GPM6B: variants seen among roughly 807,000 people sequenced by gnomAD.
GPM6B encodes glycoprotein M6B.
A neutral mutation model predicts 27.2 loss-of-function variants in GPM6B; 4 were observed. The ratio of observed to expected loss-of-function variants is 0.15; its 90% CI spans 0.07 to 0.34. The LOEUF is 0.34. GPM6B is among the 10% of genes least tolerant of loss of function. The pLI, the probability that GPM6B is intolerant of heterozygous loss-of-function variation, is 1.00. For missense variants in GPM6B, 183 were observed against 261.9 expected, an observed-to-expected ratio of 0.70 and a Z score of 2.08; for synonymous variants, 124 against 103.1, an observed-to-expected ratio of 1.20 and a Z score of -1.23.
At chrX:13,930,332 A>C (rs1921425712) in intron 1 of GPM6B, among the ~76,000 whole-genome samples, 1 of 111,971 alleles carries the variant, frequency 8.9e-6, no homozygotes, top group Admixed American at 9.5e-5. Flanking sequence ...TGAACAAGGG[A>C]GGCCGGGCAC....
intron 2 of GPM6B, among the ~76,000 whole-genome samples, chrX:13,805,992 C>CT (rs560339343): frequency 8.8e-4 from 96 of 108,658 alleles, no homozygotes; most frequent in Middle Eastern, 9.3e-3. Context: ...TTTTTTGCTG[C>CT]TTTTTTTTTC....
upstream of GPM6B, among the ~76,000 whole-genome samples, chrX:13,821,955 T>A (rs1024324038): frequency 8.9e-6 from 1 of 111,783 alleles, no homozygotes; most frequent in Non-Finnish European, 1.9e-5. Flanking sequence ...ATTCATCAAG[T>A]TGCATAATGA....
chrX:13,788,803 C>A (rs2048659879), intron 2 of GPM6B, among the ~76,000 whole-genome samples: 1 of 110,107 alleles, frequency 9.1e-6, no homozygotes, highest in Non-Finnish European at 1.9e-5. Context: ...AAATTCAATA[C>A]TAGATCAAAG....
chrX:13,773,978 T>TCTC (rs1215027351), intron 7 of GPM6B: 1 of 725,394 alleles, frequency 1.4e-6, no homozygotes, highest in African/African-American at 2.5e-5. Flanking sequence ...TTTTTTTTTT[T>TCTC]TCCAGAGAAC....
intron 1 of GPM6B, among the ~76,000 whole-genome samples, chrX:13,908,399 AT>A (rs1362001044): frequency 2.7e-5 from 3 of 112,082 alleles, no homozygotes; most frequent in Non-Finnish European, 5.6e-5. Flanking sequence ...TCATGAGAAA[AT>A]GTCAGACAAA....
intron 1 of GPM6B, among the ~76,000 whole-genome samples, chrX:13,898,127 T>G (rs1024006127): frequency 6.3e-5 from 7 of 111,129 alleles, no homozygotes; most frequent in Admixed American, 9.7e-5. Context: ...AGTAAGTGTG[T>G]GATTTCCTTT....
rs780192639 is a variant in GPM6B, at chrX:13,814,834, C to T, written c.61+2010G>A. Among the ~76,000 whole-genome samples the T allele has an allele frequency of 9.8e-5, 11 of 112,092 alleles. No homozygotes were observed. The East Asian group carries it at 2.8e-3, about 29-fold the overall frequency. On this transcript the variant is annotated intron_variant, in intron 1 of 7. Coordinates refer to ENST00000316715, the MANE Select transcript of GPM6B (RefSeq NM_001001995.3). ...CTGTAGATCAGGAAAAACAAATCCC[C>T]TGGCTTGTATTCTTATTCAAGCATG...
intron 2 of GPM6B, among the ~76,000 whole-genome samples, chrX:13,796,029 C>T (rs898202372): frequency 5.4e-5 from 6 of 111,028 alleles, no homozygotes; most frequent in Non-Finnish European, 9.4e-5. Flanking sequence ...CAGGTTCAAG[C>T]GATTCTCCTG....
intron 1 of GPM6B, among the ~76,000 whole-genome samples, chrX:13,925,819 C>G (rs188920607): frequency 1.1e-3 from 122 of 110,614 alleles, no homozygotes; most frequent in African/African-American, 3.9e-3. Context: ...CTTTGGGAGA[C>G]CGAGGCAGGT....
chrX:13,870,592 G>A (rs1340345423), intron 1 of GPM6B, among the ~76,000 whole-genome samples: 2 of 111,953 alleles, frequency 1.8e-5, no homozygotes, highest in African/African-American at 6.5e-5. Context: ...ATGGACTGAG[G>A]GTTATATGAA....
intron 1 of GPM6B, among the ~76,000 whole-genome samples, chrX:13,833,339 C>A (rs888812026): frequency 1.8e-5 from 2 of 110,639 alleles, no homozygotes; most frequent in East Asian, 2.8e-4. Context: ...TCTATGCTGA[C>A]CTCACAAGCT....
intron 1 of GPM6B, among the ~76,000 whole-genome samples, chrX:13,891,149 AC>A: frequency 9.0e-6 from 1 of 110,676 alleles, no homozygotes; most frequent in East Asian, 2.8e-4. Flanking sequence ...AAGGGCAAAA[AC>A]CACAATTATT....
intron 1 of GPM6B, among the ~76,000 whole-genome samples, chrX:13,865,541 T>TAAAAAAAAAAAAAAA (rs1569271152): frequency 3.2e-4 from 1 of 3,107 alleles, no homozygotes; most frequent in African/African-American, 7.3e-4. Context: ...ATCCATCTCT[T>TAAAAAAAAAAAAAAA]CAAAAAAAAA....
chrX:13,921,581 C>CCTT (rs1555932309), intron 1 of GPM6B, among the ~76,000 whole-genome samples: 36 of 92,806 alleles, frequency 3.9e-4, no homozygotes, highest in South Asian at 1.7e-3. Context: ...AACCCCCCCC[C>CCTT]TTTTTTTTTT....
intron 1 of GPM6B, among the ~76,000 whole-genome samples, chrX:13,857,036 T>C (rs143499054): frequency 0.014 from 1,585 of 111,360 alleles, 36 homozygotes; most frequent in African/African-American, 0.049. Context: ...GTCAGCAACA[T>C]AACATCTTTC....
chrX:13,865,005 A>C (rs1374809682), intron 1 of GPM6B, among the ~76,000 whole-genome samples: 2 of 112,184 alleles, frequency 1.8e-5, no homozygotes, highest in African/African-American at 6.5e-5. Context: ...TACTGTAATC[A>C]AAGTTATGTG....
chrX:13,824,239 G>A (rs190197932), intron 1 of GPM6B, among the ~76,000 whole-genome samples: 3 of 112,278 alleles, frequency 2.7e-5, no homozygotes, highest in Middle Eastern at 4.6e-3. Context: ...CTCCTGGAGG[G>A]TAATATCATC....
chrX:13,920,024 G>A (rs1039276151), intron 1 of GPM6B, among the ~76,000 whole-genome samples: 1 of 110,829 alleles, frequency 9.0e-6, no homozygotes, highest in Non-Finnish European at 1.9e-5. Flanking sequence ...AGCACTTTGG[G>A]AGGCCTAGGC....
chrX:13,887,295 T>C (rs1224817801), intron 1 of GPM6B, among the ~76,000 whole-genome samples: 2 of 112,423 alleles, frequency 1.8e-5, no homozygotes, highest in Non-Finnish European at 3.8e-5. Flanking sequence ...GGAGGGCCTG[T>C]AGGGACATCT....
Sources: gnomAD v4.1 joint callset for allele counts (sites outside exome capture counted in the v4.1 genomes callset) on GRCh38, gnomAD v4.1.1 for gene constraint, MANE v1.5 for transcripts, NCBI Gene and HGNC (gene_info 2026-07-23, HGNC 2026-07-21) for gene names.